ZDHHC14: variants seen among roughly 807,000 people sequenced by gnomAD.
ZDHHC14 encodes zDHHC palmitoyltransferase 14.
Under a neutral mutation model 47.7 loss-of-function variants are expected in ZDHHC14, and 16 were observed. The ratio of observed to expected loss-of-function variants is 0.34; its 90% CI spans 0.23 to 0.51. The LOEUF is 0.51. Among genes scored for constraint, ZDHHC14 ranks in the 20% least tolerant of loss-of-function variants. ZDHHC14 has a pLI of 0.97. For missense variants in ZDHHC14, 515 were observed against 662.5 expected, an observed-to-expected ratio of 0.78 and a Z score of 2.44; for synonymous variants, 293 against 278.9, an observed-to-expected ratio of 1.05 and a Z score of -0.50.
At chr6:157,403,798 A>G (rs930923638) in intron 1 of ZDHHC14, among the ~76,000 whole-genome samples, 1 of 152,212 alleles carries the variant, frequency 6.6e-6, no homozygotes, top group African/African-American at 2.4e-5. Flanking sequence ...GCTGCCACCC[A>G]CCGGTGTCAG....
intron 1 of ZDHHC14, among the ~76,000 whole-genome samples, chr6:157,396,397 G>A (rs1777523335): frequency 6.6e-6 from 1 of 152,102 alleles, no homozygotes; most frequent in African/African-American, 2.4e-5. Context: ...AATGCCATGA[G>A]TTTCCCATAC....
intron 3 of ZDHHC14, among the ~76,000 whole-genome samples, chr6:157,603,717 C>T (rs531727227): frequency 5.3e-5 from 8 of 152,296 alleles, no homozygotes; most frequent in East Asian, 3.9e-4. Flanking sequence ...GGCTCGGCCC[C>T]GGGCGTTGGT....
chr6:157,483,449 G>A (rs574766571), intron 1 of ZDHHC14, among the ~76,000 whole-genome samples: 2 of 152,250 alleles, frequency 1.3e-5, no homozygotes, highest in South Asian at 4.1e-4. Context: ...CCTTTAAAAT[G>A]GGATGAAATA....
chr6:157,664,929 G>A (rs901046254), intron 8 of ZDHHC14, among the ~76,000 whole-genome samples: 4 of 152,148 alleles, frequency 2.6e-5, no homozygotes, highest in Admixed American at 2.6e-4. Flanking sequence ...CTTCTCCAGT[G>A]TCTTGCCCTG....
intron 1 of ZDHHC14, among the ~76,000 whole-genome samples, chr6:157,484,408 G>GTA (rs1779724125): frequency 7.1e-6 from 1 of 140,822 alleles, no homozygotes; most frequent in African/African-American, 2.7e-5. Context: ...ACATATATAT[G>GTA]TATACACATA....
chr6:157,488,930 GAT>G lies in ZDHHC14; in HGVS notation c.246-53654_246-53653del, dbSNP rs558881277. Among the ~76,000 whole-genome samples, 11 of 152,314 alleles carry G rather than the reference GAT, an allele frequency of 7.2e-5. No homozygotes were observed. The South Asian group carries it at 1.2e-3, about 17-fold the overall frequency. ...TCATGCCACCCATTTAATTTCCATA[GAT>G]TAATTGAGTATGTGTATTTCGTGAG... On this transcript the variant is annotated intron_variant, in intron 1 of 8. Transcript: ENST00000359775.
At chr6:157,494,276 T>G (rs1780002343) in intron 1 of ZDHHC14, among the ~76,000 whole-genome samples, 1 of 152,208 alleles carries the variant, frequency 6.6e-6, no homozygotes, top group African/African-American at 2.4e-5. Context: ...GGGAACTGTT[T>G]GACACAAAGA....
At chr6:157,452,858 A>G (rs1207768670) in intron 1 of ZDHHC14, among the ~76,000 whole-genome samples, 1 of 151,674 alleles carries the variant, frequency 6.6e-6, no homozygotes, top group Non-Finnish European at 1.5e-5. Flanking sequence ...ATGCACCACC[A>G]CACCCGGCTA....
intron 3 of ZDHHC14, among the ~76,000 whole-genome samples, chr6:157,594,744 C>G (rs1784054508): frequency 6.6e-6 from 1 of 152,214 alleles, no homozygotes; most frequent in African/African-American, 2.4e-5. Flanking sequence ...AGGGACTCTA[C>G]AAATCAGCCT....
intron 1 of ZDHHC14, among the ~76,000 whole-genome samples, chr6:157,490,713 C>T (rs1362557383): frequency 6.6e-6 from 1 of 151,900 alleles, no homozygotes; most frequent in Admixed American, 6.6e-5. Flanking sequence ...AGACAAGGAG[C>T]GTAAGGCCAG....
chr6:157,609,487 C>T (rs1784673276), intron 3 of ZDHHC14, among the ~76,000 whole-genome samples: 1 of 152,198 alleles, frequency 6.6e-6, no homozygotes, highest in Admixed American at 6.5e-5. Flanking sequence ...GTCTTCCCAT[C>T]ATCATCTCTC....
At chr6:157,412,430 C>A (rs1441758484) in intron 1 of ZDHHC14, among the ~76,000 whole-genome samples, 2 of 151,800 alleles carry the variant, frequency 1.3e-5, no homozygotes, top group Non-Finnish European at 2.9e-5. Flanking sequence ...CTAGCTGGGA[C>A]TACAGGCACT....
chr6:157,578,695 G>A (rs1401759800), intron 2 of ZDHHC14, among the ~76,000 whole-genome samples: 1 of 152,158 alleles, frequency 6.6e-6, no homozygotes. Context: ...TAGTGGGTGA[G>A]TCTCACGAGA....
At chr6:157,406,058 G>C (rs1029850237) in intron 1 of ZDHHC14, among the ~76,000 whole-genome samples, 4 of 152,138 alleles carry the variant, frequency 2.6e-5, no homozygotes, top group Non-Finnish European at 5.9e-5. Flanking sequence ...GTCCTTTTGA[G>C]GGCATGCTTT....
intron 1 of ZDHHC14, among the ~76,000 whole-genome samples, chr6:157,417,188 C>T (rs1455556651): frequency 6.6e-6 from 1 of 151,686 alleles, no homozygotes; most frequent in Non-Finnish European, 1.5e-5. Context: ...TACGGGTGCT[C>T]GTTAATCCTG....
chr6:157,430,920 G>A (rs149954546), intron 1 of ZDHHC14, among the ~76,000 whole-genome samples: 2 of 152,316 alleles, frequency 1.3e-5, no homozygotes, highest in Admixed American at 1.3e-4. Flanking sequence ...GGAGAAAGAT[G>A]GGCCTGACAC....
chr6:157,667,412 G>A (rs941886810), intron 8 of ZDHHC14, among the ~76,000 whole-genome samples: 3 of 152,038 alleles, frequency 2.0e-5, no homozygotes, highest in African/African-American at 2.4e-5. Context: ...GCTGGGTAGC[G>A]GAGGGAAAAG....
At chr6:157,406,955 C>G (rs1414081635) in intron 1 of ZDHHC14, among the ~76,000 whole-genome samples, 1 of 152,164 alleles carries the variant, frequency 6.6e-6, no homozygotes, top group African/African-American at 2.4e-5. Context: ...GCTCCAGCTA[C>G]GAGGCATTAA....
chr6:157,621,737 G>C (rs557131979), intron 3 of ZDHHC14, among the ~76,000 whole-genome samples: 2 of 152,160 alleles, frequency 1.3e-5, no homozygotes, highest in African/African-American at 2.4e-5. Context: ...CATTTCGTTC[G>C]ATCTCCAGCA....
Sources: allele counts gnomAD v4.1 joint callset (sites outside exome capture counted in the v4.1 genomes callset), GRCh38; gene constraint gnomAD v4.1.1; transcripts MANE v1.5; gene names NCBI Gene and HGNC (gene_info 2026-07-23, HGNC 2026-07-21).